Variants in ANKRD35 observed in about 807,000 individuals in gnomAD.
ANKRD35 encodes the protein ankyrin repeat domain 35, also known as ankyrin repeat domain-containing protein 35.
ANKRD35 carries 102 observed loss-of-function variants against 109.9 expected under a neutral mutation model. That is an observed-to-expected ratio of 0.93 (90% CI 0.79 to 1.09). The LOEUF is 1.09. ANKRD35 is among the 50% of genes least tolerant of loss of function. ANKRD35 has a pLI of 0.00. For missense variants in ANKRD35, 1,240 were observed against 1,230.1 expected (o/e 1.01, Z -0.12); for synonymous variants, 515 against 512.4 (o/e 1.01, Z -0.07).
chr1:145,867,601 T>C (rs1392512290), intron 12 of ANKRD35, among the ~76,000 whole-genome samples: 1 of 152,160 alleles, frequency 6.6e-6, no homozygotes, highest in African/African-American at 2.4e-5. Context: ...ATTACAACCA[T>C]GAATATGAAG....
At chr1:145,871,949 C>G (rs369175046) in intron 10 of ANKRD35, 33 bp downstream of exon 10, 1 of 1,602,218 alleles carries the variant, frequency 6.2e-7, no homozygotes, top group Non-Finnish European at 8.5e-7. Flanking sequence ...GAAACTTTCC[C>G]CAGTGCTCCC....
In ANKRD35 at chr1:145,873,601, G is replaced by C; in HGVS notation, c.1168C>G (p.Gln390Glu). 1 of 1,614,008 alleles carries C rather than the reference G, an allele frequency of 6.2e-7. No homozygotes were observed. The highest frequency in any genetic ancestry group is 8.5e-7 in the Non-Finnish European group (1 of 1,180,010). ...ACTGGATTTACTGTGGCTGCTGCCTGCTGCTGCTTCTTTAGCTCTTGTGTA... is the reference window on the plus strand; with the variant it reads ...ACTGGATTTACTGTGGCTGCTGCCTCCTGCTGCTTCTTTAGCTCTTGTGTA... ...ESTQELKKQQ[Q>E]AAATVNPVLA... The change falls in exon 10 of 14, where the codon CAG (glutamine) becomes GAG (glutamate). Residue 390 changes from glutamine (Q) to glutamate (E), a missense_variant. Physicochemically the swap from Gln to Glu is conservative, Grantham distance 29. Coordinates refer to ENST00000355594, the MANE Select transcript of ANKRD35 (RefSeq NM_144698.5).
intron 7 of ANKRD35, 141 bp from the exon 8 acceptor site, chr1:145,875,147 C>CT: frequency 2.8e-6 from 2 of 705,784 alleles, no homozygotes; most frequent in South Asian, 3.2e-5. Flanking sequence ...GACTAGACTT[C>CT]TCTTTTTTTT....
intron 8 of ANKRD35, 27 bp downstream of exon 8, chr1:145,874,795 A>G: frequency 6.5e-7 from 1 of 1,540,978 alleles, no homozygotes; most frequent in South Asian, 1.2e-5. Context: ...TTCTTAGAGA[A>G]CGTGGAAGTT....
At chr1:145,870,382 GCAC>G (rs1553738402) in intron 10 of ANKRD35, among the ~76,000 whole-genome samples, 1 of 151,992 alleles carries the variant, frequency 6.6e-6, no homozygotes, top group Non-Finnish European at 1.5e-5. Flanking sequence ...ATGAGCCACC[GCAC>G]CCAGCCCCAA....
At position 145,873,446 on chromosome 1, in the gene ANKRD35, T is replaced by C. The variant is rs1553739361; in HGVS notation, c.1323A>G (p.Gly441=). 2.5e-6 allele frequency: 4 copies of C among 1,614,034 alleles called. No individual in the cohort carries two copies. The highest frequency in any genetic ancestry group is 3.4e-6 in the Non-Finnish European group (4 of 1,179,970). ...GTGCCCCATTGGTAGTCAGTTGCTG[T>C]CCTGTGGCTTTCCTGATGGTCTCAG... is the stretch of plus-strand genomic sequence containing the variant. The part of the protein sequence containing the change: ...PASETIRKAT[G]QQLTTNGAQT... The change falls in exon 10 of 14, where the codon GGA becomes GGG. Residue 441 remains glycine, a synonymous_variant. Coordinates refer to ENST00000355594, the MANE Select transcript of ANKRD35 (RefSeq NM_144698.5).
intron 6 of ANKRD35, 38 bp downstream of exon 6, chr1:145,876,531 T>C (rs1222607792): frequency 6.2e-6 from 10 of 1,613,032 alleles, no homozygotes; most frequent in Admixed American, 3.3e-5. Context: ...GCAGCCCTTC[T>C]GTGTAGGACA....
Position 145,876,816 on chromosome 1 carries a change from C to T in ANKRD35, c.382G>A (p.Ala128Thr). 1.2e-6 allele frequency: 2 copies of T among 1,614,132 alleles called. No individual in the cohort carries two copies. Among genetic ancestry groups the T allele is most frequent in the South Asian group, 2.2e-5 (2 of 91,082 alleles). Reference protein sequence around the residue: ...AENRSPLHWAASSGCASSVLL... With the variant: ...AENRSPLHWATSSGCASSVLL... ...GTTCCCATGAGTCCCCTGCACACAC[C>T]TGCCCAGTGCAATGGACTACGGTTT... is the stretch of plus-strand genomic sequence containing the variant. Residue 128 changes from alanine to threonine, a missense_variant and splice_region_variant, in exon 5 of 14, where the codon GCC becomes ACC. By Grantham distance (58) the Ala-to-Thr change is moderately conservative. Transcript: ENST00000355594.
chr1:145,870,995 G>A (rs934116372), intron 10 of ANKRD35, among the ~76,000 whole-genome samples: 6 of 151,832 alleles, frequency 4.0e-5, no homozygotes, highest in Admixed American at 6.6e-5. Flanking sequence ...GTTAAGTCTG[G>A]AAGTACTAAA....
rs782091101 is a variant in ANKRD35 at position 145,874,148 on chromosome 1, G to A, written c.783+7C>T. On this transcript the variant is annotated splice_region_variant and intron_variant, in intron 9 of 13. Coordinates refer to ENST00000355594, the MANE Select transcript of ANKRD35 (RefSeq NM_144698.5). Reference sequence around the variant, plus strand: ...AAAGCAAAAGGGGGAGGCACTTAGGGTCTTACCTGGGATGCGAGATCTGGG... The same window carrying A: ...AAAGCAAAAGGGGGAGGCACTTAGGATCTTACCTGGGATGCGAGATCTGGG... 3.7e-6 allele frequency: 6 copies of A among 1,614,166 alleles called. No individual in the cohort carries two copies. The South Asian group carries it at 6.6e-5, about 18-fold the overall frequency.
intron 3 of ANKRD35, 28 bp from the exon 4 acceptor site, chr1:145,878,060 G>A (rs782193345): frequency 2.5e-6 from 4 of 1,605,456 alleles, no homozygotes; most frequent in Non-Finnish European, 2.6e-6. Context: ...GGAGAAGGAG[G>A]GTAGGTGGCC....
Position 145,876,573 on chromosome 1 carries a change from T to G in ANKRD35, c.449A>C (p.Asp150Ala). The G allele has an allele frequency of 3.1e-6, 5 of 1,614,108 alleles. No homozygotes were observed. The highest frequency in any genetic ancestry group is 4.2e-6 in the Non-Finnish European group (5 of 1,180,016). ...CDHEAFLDVL[D>A]NDGRTPLMIA... ...ACTTGCCCATCTGACACTCACATTA[T>G]CCAACACGTCCAGGAAGGCTTCGTG... Residue 150 changes from aspartate (D) to alanine (A), a missense_variant, in exon 6 of 14, where the codon GAT (aspartate) becomes GCT (alanine). By Grantham distance (126) the Asp-to-Ala change is moderately radical (BLOSUM62 -2). Coordinates refer to ENST00000355594, the MANE Select transcript of ANKRD35 (RefSeq NM_144698.5).
chr1:145,874,041 G>T, intron 9 of ANKRD35, 56 bp from the exon 10 acceptor site: 1 of 1,611,508 alleles, frequency 6.2e-7, no homozygotes, highest in Non-Finnish European at 8.5e-7. Context: ...CTGAGCCCTA[G>T]GAGTGCCTTT....
Position 145,876,263 on chromosome 1 carries a change from A to G in ANKRD35, c.454-17T>C. The G allele has an allele frequency of 6.2e-7, 1 of 1,603,270 alleles. No individual in the cohort carries two copies. Among genetic ancestry groups the G allele is most frequent in the Non-Finnish European group, 8.5e-7 (1 of 1,171,582 alleles). On this transcript the variant is annotated splice_polypyrimidine_tract_variant and intron_variant, in intron 6 of 13. Coordinates refer to ENST00000355594, the MANE Select transcript of ANKRD35 (RefSeq NM_144698.5). Reference sequence around the variant, plus strand: ...ACGTCCATCCTGCACAGATTGTAGGAAGAGGTTCATGAGCAGCCAGGGACT... The same window carrying G: ...ACGTCCATCCTGCACAGATTGTAGGGAGAGGTTCATGAGCAGCCAGGGACT...
Position 145,873,626 on chromosome 1 carries a change from A to G in ANKRD35, c.1143T>C (p.Ser381=). ...GCTGCTGCTTCTTTAGCTCTTGTGTACTCTCAGCCAGCAGGTCCTTAGGAC... is the reference window on the plus strand; with the variant it reads ...GCTGCTGCTTCTTTAGCTCTTGTGTGCTCTCAGCCAGCAGGTCCTTAGGAC... ...QGCPKDLLAE[S]TQELKKQQQA... is the part of the protein sequence containing the mutation. The change falls in exon 10 of 14, where the codon AGT becomes AGC. Residue 381 remains serine, a synonymous_variant. Coordinates refer to ENST00000355594, the MANE Select transcript of ANKRD35 (RefSeq NM_144698.5). The G allele has an allele frequency of 6.2e-7, 1 of 1,613,568 alleles. No individual in the cohort carries two copies. The highest frequency in any genetic ancestry group is 8.5e-7 in the Non-Finnish European group (1 of 1,179,906).
At chr1:145,877,828 A>G (rs1654137344) in intron 4 of ANKRD35, 140 bp downstream of exon 4, 1 of 770,358 alleles carries the variant, frequency 1.3e-6, no homozygotes, top group African/African-American at 1.7e-5. Flanking sequence ...AATGTTGGCA[A>G]ACAAATGATT....
Position 145,872,166 on chromosome 1 carries a change from C to T in ANKRD35, c.2603G>A (p.Gly868Asp), listed in dbSNP as rs782716019. The T allele has an allele frequency of 3.1e-6, 5 of 1,609,590 alleles. No homozygotes were observed. In the East Asian group the frequency reaches 8.9e-5, roughly 29 times the overall value. Residue 868 changes from glycine (G) to aspartate (D), a missense_variant, in exon 10 of 14, where the codon GGT (glycine) becomes GAT (aspartate). Gly to Asp is a moderately conservative substitution (Grantham distance 94). Coordinates refer to ENST00000355594, the MANE Select transcript of ANKRD35 (RefSeq NM_144698.5). ...CTCGGCCACCGCCTCCCGCAGCCGA[C>T]CCACTTCCCGGCAGGCCGTATTATA... ...EKYNTACREV[G>D]RLREAVAEER...
Position 145,872,581 on chromosome 1 carries a change from G to T in ANKRD35, c.2188C>A (p.Arg730=). ...SKAAESLEEL[R]ACISTLVDRH... is the part of the protein sequence containing the mutation. ...TCCACCAGGGTGCTGATGCAGGCCCGCAGCTCCTCCAGGGACTCCGCTGCT... is the reference window on the plus strand; with the variant it reads ...TCCACCAGGGTGCTGATGCAGGCCCTCAGCTCCTCCAGGGACTCCGCTGCT... Residue 730 remains arginine, a synonymous_variant, in exon 10 of 14, where the codon CGG becomes AGG. Coordinates refer to ENST00000355594, the MANE Select transcript of ANKRD35 (RefSeq NM_144698.5). 6.2e-7 allele frequency: 1 copy of T among 1,611,940 alleles called. No homozygotes were observed. Among genetic ancestry groups the T allele is most frequent in the East Asian group, 2.2e-5 (1 of 44,806 alleles).
chr1:145,872,825 C>T lies in ANKRD35; in HGVS notation c.1944G>A (p.Leu648=). The T allele has an allele frequency of 1.2e-6, 2 of 1,614,068 alleles. No homozygotes were observed. The highest frequency in any genetic ancestry group is 1.7e-6 in the Non-Finnish European group (2 of 1,179,976). The change falls in exon 10 of 14, where the codon CTG becomes CTA. Residue 648 remains leucine (L), a synonymous_variant. Coordinates refer to ENST00000355594, the MANE Select transcript of ANKRD35 (RefSeq NM_144698.5). ...CAAACTCCCGCTGCAGCCGCTGGCTCAGGGACTGTAGCTCCCTCTGCAACC... is the reference window on the plus strand; with the variant it reads ...CAAACTCCCGCTGCAGCCGCTGGCTTAGGGACTGTAGCTCCCTCTGCAACC... The part of the protein sequence containing the change: ...RQRLQRELQS[L]SQRLQREFVP...
Sources: gnomAD v4.1 joint callset for allele counts (sites outside exome capture counted in the v4.1 genomes callset) on GRCh38, gnomAD v4.1.1 for gene constraint, MANE v1.5 for transcripts, NCBI Gene and HGNC (gene_info 2026-07-23, HGNC 2026-07-21) for gene names.